SEC23IP: variants seen among roughly 807,000 people sequenced by gnomAD.
SEC23IP encodes SEC23 interacting protein.
In SEC23IP, 70 loss-of-function variants were observed where a neutral mutation model predicts 113.4. That is an observed-to-expected ratio of 0.62 (90% CI 0.51 to 0.75). SEC23IP has a LOEUF of 0.75. Ranked by LOEUF, SEC23IP falls within the 30% of genes least tolerant of loss-of-function variation. The pLI, the probability that SEC23IP is intolerant of heterozygous loss-of-function variation, is 0.00. For missense variants in SEC23IP, 1,160 were observed against 1,204.9 expected, an observed-to-expected ratio of 0.96 and a Z score of 0.55; for synonymous variants, 398 against 421.0, an observed-to-expected ratio of 0.95 and a Z score of 0.67.
rs753519185 is a variant in SEC23IP, at chr10:119,932,183, A to G, written c.2623A>G (p.Ile875Val). The G allele has an allele frequency of 6.2e-7, 1 of 1,613,006 alleles. No individual in the cohort carries two copies. Among genetic ancestry groups the G allele is most frequent in the South Asian group, 1.1e-5 (1 of 91,044 alleles). ...RMGSDLKQGF[I>V]SSLKSAWQTL... is the part of the protein sequence containing the mutation. Reference sequence around the variant, plus strand: ...GGGATCTGATTTGAAGCAGGGTTTTATTAGCTCTCTCAAAAGTGCTTGGCA... The same window carrying G: ...GGGATCTGATTTGAAGCAGGGTTTTGTTAGCTCTCTCAAAAGTGCTTGGCA... The change falls in exon 16 of 19, where the codon ATT (isoleucine) becomes GTT (valine). Residue 875 changes from isoleucine (I) to valine (V), a missense_variant. Coordinates refer to ENST00000369075, the MANE Select transcript of SEC23IP (RefSeq NM_007190.4).
Position 119,917,961 on chromosome 10 carries a change from T to C in SEC23IP, c.1670T>C (p.Met557Thr), listed in dbSNP as rs761963897. ...CAGACAATTGTGGAAAAAGTAGGAA[T>C]GGAGATAAACCATCTGCATGCACTC... is the stretch of plus-strand genomic sequence containing the variant. ...YCQTIVEKVG[M>T]EINHLHALFM... The change falls in exon 9 of 19, where the codon ATG becomes ACG. Residue 557 changes from methionine to threonine, a missense_variant. Transcript: ENST00000369075. 4 of 1,613,982 alleles carry C rather than the reference T, an allele frequency of 2.5e-6. No homozygotes were observed. Among genetic ancestry groups the C allele is most frequent in the Admixed American group, 1.7e-5 (1 of 60,006 alleles).
Position 119,904,204 on chromosome 10 carries a change from G to C in SEC23IP, c.1028G>C (p.Cys343Ser). ...WEEEPAEVRR[C>S]TWFYKGDTDS... ...GAGGAGCCAGCCGAAGTGAGACGCT[G>C]TACTTGGTTTTACAAGGGGGACACA... is the stretch of plus-strand genomic sequence containing the variant. Residue 343 changes from cysteine to serine, a missense_variant, in exon 4 of 19, where the codon TGT (cysteine) becomes TCT (serine). By Grantham distance (112) the Cys-to-Ser change is moderately radical (BLOSUM62 -1). Coordinates refer to ENST00000369075, the MANE Select transcript of SEC23IP (RefSeq NM_007190.4). 15 of 1,614,216 alleles carry C rather than the reference G, an allele frequency of 9.3e-6. No homozygotes were observed. The highest frequency in any genetic ancestry group is 1.2e-5 in the Non-Finnish European group (14 of 1,180,038).
In SEC23IP at chr10:119,892,746, G is replaced by T. The variant is rs371804036; in HGVS notation, c.-37G>T. ...TTTCCGGTCAGTGGTGTGGTACCGG[G>T]TACCCGGAGACGTGTATCGGACGGT... On this transcript the variant is annotated 5_prime_UTR_variant, in exon 1 of 19. Transcript: ENST00000369075. The T allele has an allele frequency of 1.3e-6, 2 of 1,571,994 alleles. No individual in the cohort carries two copies. Among genetic ancestry groups the T allele is most frequent in the Admixed American group, 1.8e-5 (1 of 55,168 alleles).
chr10:119,905,994 G>T (rs1854650410), intron 4 of SEC23IP, among the ~76,000 whole-genome samples: 1 of 152,092 alleles, frequency 6.6e-6, no homozygotes, highest in Non-Finnish European at 1.5e-5. Flanking sequence ...AATGGAGCTA[G>T]GCTGGGCGTG....
chr10:119,898,536 T>C lies in SEC23IP; in HGVS notation c.273T>C (p.Asp91=), dbSNP rs1854362271. ...TCTCTCAGGTATCAAGCAGCAGTGA[T>C]CCTTTTGGGAATATTGGACAGTCAC... The part of the protein sequence containing the change: ...SYFSQVSSSS[D]PFGNIGQSPL... Residue 91 remains aspartate, a synonymous_variant, in exon 2 of 19, where the codon GAT becomes GAC. Coordinates refer to ENST00000369075, the MANE Select transcript of SEC23IP (RefSeq NM_007190.4). 3 of 1,614,070 alleles carry C rather than the reference T, an allele frequency of 1.9e-6. No homozygotes were observed. The highest frequency in any genetic ancestry group is 2.5e-6 in the Non-Finnish European group (3 of 1,180,052).
rs761429439 is a variant in SEC23IP at position 119,915,749 on chromosome 10, G to C, written c.1404G>C (p.Val468=). 6.5e-7 allele frequency: 1 copy of C among 1,539,710 alleles called. No homozygotes were observed. Among genetic ancestry groups the C allele is most frequent in the South Asian group, 1.3e-5 (1 of 77,020 alleles). ...DLRFRSIIEC[V]DDFRVVSLKL... is the part of the protein sequence containing the mutation. ...CTCTTTTTTTTTTTTCTTTTGAAGT[G>C]GATGATTTTAGGGTGGTTTCTCTCA... is the stretch of plus-strand genomic sequence containing the variant. Residue 468 remains valine, a splice_region_variant and synonymous_variant, in exon 8 of 19, where the codon GTG becomes GTC. Transcript: ENST00000369075.
At chr10:119,894,859 C>G (rs2134444703) in intron 1 of SEC23IP, among the ~76,000 whole-genome samples, 1 of 151,366 alleles carries the variant, frequency 6.6e-6, no homozygotes, top group Middle Eastern at 3.4e-3. Context: ...ATAGCTACAC[C>G]TGTCTTTAAT....
Position 119,904,080 on chromosome 10 carries a change from C to G in SEC23IP, c.908-4C>G, listed in dbSNP as rs1385157581. On this transcript the variant is annotated splice_polypyrimidine_tract_variant and splice_region_variant and intron_variant, in intron 3 of 18. Coordinates refer to ENST00000369075, the MANE Select transcript of SEC23IP (RefSeq NM_007190.4). The stretch of plus-strand genomic sequence containing the variant: ...TTAGGAAAAGTGTTAATTTTGTTCT[C>G]TAGTTCAGCCAGATCCGGAGAGCGT... 2 of 1,613,046 alleles carry G rather than the reference C, an allele frequency of 1.2e-6. No individual in the cohort carries two copies. Among genetic ancestry groups the G allele is most frequent in the African/African-American group, 1.3e-5 (1 of 74,900 alleles).
chr10:119,918,539 T>G lies in SEC23IP; in HGVS notation c.1872+28T>G, dbSNP rs767150316. 7 of 1,290,226 alleles carry G rather than the reference T, an allele frequency of 5.4e-6. No individual in the cohort carries two copies. The African/African-American group carries it at 1.0e-4, about 19-fold the overall frequency. The allele number at this position is 1,290,226 out of a possible 1,614,324, so 79.9% of individuals were successfully genotyped here. A position where few individuals can be genotyped will look rare whatever the true frequency, so the allele number is the denominator to read the frequency against. ...ACGTCTGTACGTGGCCAATTAACAT[T>G]TCGATTTAGAGTCTATGGAGCTGAA... On this transcript the variant is annotated intron_variant, in intron 10 of 18. Coordinates refer to ENST00000369075, the MANE Select transcript of SEC23IP (RefSeq NM_007190.4).
In SEC23IP at chr10:119,914,810, A is replaced by G; in HGVS notation, c.1393A>G (p.Ile465Val). ...PVCDLRFRSI[I>V]ECVDDFRVVS... ...GTGTGACTTACGCTTTAGGAGCATT[A>G]TTGAGTGTGGTAAGTGTTGGGTATA... Residue 465 changes from isoleucine to valine, a missense_variant, in exon 7 of 19, where the codon ATT (isoleucine) becomes GTT (valine). Ile to Val is a conservative substitution (Grantham distance 29). Transcript: ENST00000369075. 1 of 1,613,684 alleles carries G rather than the reference A, an allele frequency of 6.2e-7. No homozygotes were observed. Among genetic ancestry groups the G allele is most frequent in the Admixed American group, 1.7e-5 (1 of 60,014 alleles).
intron 10 of SEC23IP, 86 bp from the exon 11 acceptor site, chr10:119,919,358 A>G: frequency 7.9e-7 from 1 of 1,263,534 alleles, no homozygotes; most frequent in Non-Finnish European, 1.1e-6. Context: ...GTAAAGCAAA[A>G]TTGTTTGAGA....
chr10:119,936,043 A>G (rs1346969923), intron 18 of SEC23IP, among the ~76,000 whole-genome samples: 1 of 152,240 alleles, frequency 6.6e-6, no homozygotes, highest in Non-Finnish European at 1.5e-5. Flanking sequence ...GAACAGTACT[A>G]CAGTGATACG....
intron 17 of SEC23IP, among the ~76,000 whole-genome samples, 159 bp from the exon 18 acceptor site, chr10:119,933,527 A>G (rs1855676539): frequency 6.6e-6 from 1 of 152,210 alleles, no homozygotes; most frequent in Non-Finnish European, 1.5e-5. Context: ...GACAGCTCTG[A>G]GATTACGCTG....
chr10:119,930,455 CTT>C, intron 15 of SEC23IP, 24 bp downstream of exon 15: 1 of 1,385,528 alleles, frequency 7.2e-7, no homozygotes, highest in Non-Finnish European at 1.0e-6. Flanking sequence ...ACTATAAAAA[CTT>C]TTTTTCCTGT....
At position 119,904,064 on chromosome 10, in the gene SEC23IP, G is replaced by A. The variant is rs1437209956; in HGVS notation, c.908-20G>A. ...ATATGCCTTGCAGCAGTTAGGAAAAGTGTTAATTTTGTTCTCTAGTTCAGC... is the reference window on the plus strand; with the variant it reads ...ATATGCCTTGCAGCAGTTAGGAAAAATGTTAATTTTGTTCTCTAGTTCAGC... On this transcript the variant is annotated intron_variant, in intron 3 of 18. Coordinates refer to ENST00000369075, the MANE Select transcript of SEC23IP (RefSeq NM_007190.4). 5 of 1,611,352 alleles carry A rather than the reference G, an allele frequency of 3.1e-6. No individual in the cohort carries two copies. Among genetic ancestry groups the A allele is most frequent in the Non-Finnish European group, 4.2e-6 (5 of 1,177,948 alleles).
intron 18 of SEC23IP, among the ~76,000 whole-genome samples, chr10:119,939,255 G>C (rs772994843): frequency 1.2e-4 from 18 of 152,054 alleles, no homozygotes; most frequent in Non-Finnish European, 2.6e-4. Flanking sequence ...GGAGATTGAG[G>C]CTGCAGTGAG....
At chr10:119,929,884 A>G (rs944025672) in intron 14 of SEC23IP, 122 bp downstream of exon 14, 24 of 633,484 alleles carry the variant, frequency 3.8e-5, no homozygotes, top group Non-Finnish European at 5.6e-5. Context: ...CCTGGCCTCA[A>G]GTGATCCTTC....
chr10:119,912,833 G>T (rs1256718032), intron 6 of SEC23IP, among the ~76,000 whole-genome samples: 1 of 151,798 alleles, frequency 6.6e-6, no homozygotes, highest in African/African-American at 2.4e-5. Context: ...TAGAGATGTG[G>T]TTTCACCACG....
In SEC23IP at chr10:119,941,117, A is replaced by C. The variant is rs1855951372; in HGVS notation, c.*552A>C. 1 of 152,250 alleles carries C rather than the reference A, an allele frequency of 6.6e-6. No individual in the cohort carries two copies. The highest frequency in any genetic ancestry group is 6.5e-5 in the Admixed American group (1 of 15,288). 9.4% of individuals were successfully genotyped at this position (152,250 alleles called of 1,614,324 possible). On this transcript the variant is annotated 3_prime_UTR_variant, in exon 19 of 19. Transcript: ENST00000369075. Reference sequence around the variant, plus strand: ...GGTCATTTATATTTGTTAAGAGGAAATAATCAAGATCACTCATATCCCAAC... The same window carrying C: ...GGTCATTTATATTTGTTAAGAGGAACTAATCAAGATCACTCATATCCCAAC...
Sources: allele counts gnomAD v4.1 joint callset (sites outside exome capture counted in the v4.1 genomes callset), GRCh38; gene constraint gnomAD v4.1.1; transcripts MANE v1.5; gene names NCBI Gene and HGNC (gene_info 2026-07-23, HGNC 2026-07-21).